Variants in KAZN observed in about 807,000 individuals in gnomAD.
The protein encoded by KAZN is kazrin.
KAZN carries 40 observed loss-of-function variants against 87.4 expected under a neutral mutation model. The observed-to-expected ratio is 0.46, with a 90% CI of 0.36 to 0.60. The LOEUF is 0.60. Ranked by LOEUF, KAZN falls within the 20% of genes least tolerant of loss-of-function variation. KAZN has a pLI of 0.00. For missense variants in KAZN, 898 were observed against 1,073.9 expected (o/e 0.84, Z 2.29); for synonymous variants, 466 against 458.3 (o/e 1.02, Z -0.22).
chr1:14,730,263 T>C (rs760991110), intron 1 of KAZN, among the ~76,000 whole-genome samples: 15 of 152,162 alleles, frequency 9.9e-5, no homozygotes, highest in Non-Finnish European at 1.5e-4. Context: ...TTTGTATGTT[T>C]AGTGGAGACA....
At chr1:14,193,031 G>A (rs764921564) in intron 2 of KAZN, among the ~76,000 whole-genome samples, 89 of 152,072 alleles carry the variant, frequency 5.9e-4, no homozygotes, top group Admixed American at 1.2e-3. Flanking sequence ...GGATCATGGG[G>A]GCAGTTCCCC....
At chr1:15,055,452 C>T (rs1002699857) in intron 4 of KAZN, among the ~76,000 whole-genome samples, 3 of 152,118 alleles carry the variant, frequency 2.0e-5, no homozygotes, top group Admixed American at 1.3e-4. Context: ...GTCTGGGCAA[C>T]AGAGTGAAAC....
rs141834501 is a variant in KAZN at position 14,996,763 on chromosome 1, C to T, written c.418+35888C>T. Among the ~76,000 whole-genome samples, 3 of 152,338 alleles carry T rather than the reference C, an allele frequency of 2.0e-5. No individual in the cohort carries two copies. Among genetic ancestry groups the T allele is most frequent in the Non-Finnish European group, 4.4e-5 (3 of 68,030 alleles). ...GAGAAAGGGCTGATGCTCCCAAAGG[C>T]AGGCCACTTGCAGGAAGACACACCA... is the stretch of plus-strand genomic sequence containing the variant. On this transcript the variant is annotated intron_variant, in intron 2 of 14. Transcript: ENST00000376030. This position sits in a 1 kb window ranked among gnomAD's most constrained non-coding sequence, Gnocchi z 5.9.
At chr1:14,737,661 G>A (rs1643948992) in intron 1 of KAZN, among the ~76,000 whole-genome samples, 1 of 152,230 alleles carries the variant, frequency 6.6e-6, no homozygotes, top group Admixed American at 6.5e-5. Flanking sequence ...ATCAGGTGCT[G>A]GCTGAGCTGC....
chr1:15,063,816 A>G lies in KAZN; in HGVS notation c.1098+194A>G, dbSNP rs879277212. 4.8e-5 allele frequency among the ~76,000 whole-genome samples: 6 copies of G among 126,128 alleles called. 1 individual carries two copies. Among genetic ancestry groups the G allele is most frequent in the African/African-American group, 3.0e-4 (6 of 20,292 alleles). 82.7% of individuals were successfully genotyped at this position (126,128 alleles called of 152,430 possible). ...TTTATGCCACTTCCGCTGAGCCCACATCCATGCCGCACACCCAAGGCGGAG... is the reference window on the plus strand; with the variant it reads ...TTTATGCCACTTCCGCTGAGCCCACGTCCATGCCGCACACCCAAGGCGGAG... On this transcript the variant is annotated intron_variant, in intron 7 of 14. Transcript: ENST00000376030.
At chr1:14,653,484 G>A (rs969455943) in intron 1 of KAZN, among the ~76,000 whole-genome samples, 1 of 152,202 alleles carries the variant, frequency 6.6e-6, no homozygotes, top group Non-Finnish European at 1.5e-5. Flanking sequence ...ATGTAGGCCC[G>A]GGGCGGCCAG....
intron 1 of KAZN, among the ~76,000 whole-genome samples, chr1:14,092,197 T>A (rs1020510055): frequency 2.0e-5 from 3 of 150,732 alleles, no homozygotes; most frequent in African/African-American, 7.3e-5. Flanking sequence ...TTCATGAAAT[T>A]CTCCTGCCTC....
intron 2 of KAZN, among the ~76,000 whole-genome samples, chr1:14,988,515 G>T (rs545192538): frequency 6.6e-6 from 1 of 152,212 alleles, no homozygotes; most frequent in Non-Finnish European, 1.5e-5. Context: ...GGGTGATGGC[G>T]TGCTGCCCTC....
rs1418202073 is a variant in KAZN, at chr1:14,219,925, CCATTGAT to C, written c.249+39337_249+39343del. On this transcript the variant is annotated intron_variant, in intron 2 of 16. Coordinates refer to the KAZN transcript ENST00000636203. Reference sequence around the variant, plus strand: ...ATGACTGAAACCCACTGTCTGAAGGCCATTGATCATCTCTTAGCAACATTTCTTCAGT... The same window carrying C: ...ATGACTGAAACCCACTGTCTGAAGGCCATCTCTTAGCAACATTTCTTCAGT... Among the ~76,000 whole-genome samples, 13 of 152,286 alleles carry C rather than the reference CCATTGAT, an allele frequency of 8.5e-5. 1 individual carries two copies. In the East Asian group the frequency reaches 2.5e-3, roughly 29 times the overall value.
At chr1:14,057,037 C>T (rs1642592848) in intron 1 of KAZN, among the ~76,000 whole-genome samples, 1 of 132,120 alleles carries the variant, frequency 7.6e-6, no homozygotes, top group South Asian at 2.3e-4. Context: ...GAGCGAGACC[C>T]TGTCTCAAAA....
At chr1:14,501,461 T>A (rs1670247868) in intron 2 of KAZN, among the ~76,000 whole-genome samples, 1 of 152,198 alleles carries the variant, frequency 6.6e-6, no homozygotes, top group South Asian at 2.1e-4. Context: ...AGATATAAGA[T>A]GTAAGATACA....
rs867638067 is a variant in KAZN at position 14,211,470 on chromosome 1, C to T, written c.249+30878C>T. 1.5e-4 allele frequency among the ~76,000 whole-genome samples: 23 copies of T among 152,108 alleles called. 1 individual carries two copies. The highest frequency in any genetic ancestry group is 3.9e-4 in the Admixed American group (6 of 15,280). ...CGATCTTGTGACCTCGTGATCTGCC[C>T]GCCTCGGCCTCCCAAAGTGCTGGGG... is the stretch of plus-strand genomic sequence containing the variant. On this transcript the variant is annotated intron_variant, in intron 2 of 16. Coordinates refer to the KAZN transcript ENST00000636203.
intron 2 of KAZN, among the ~76,000 whole-genome samples, chr1:14,373,338 T>C (rs1266603640): frequency 6.6e-6 from 1 of 152,090 alleles, no homozygotes; most frequent in African/African-American, 2.4e-5. Flanking sequence ...TAAATTCCAG[T>C]CTAAGTCCAA....
At chr1:13,987,326 C>T (rs536718322) in intron 1 of KAZN, among the ~76,000 whole-genome samples, 2 of 152,090 alleles carry the variant, frequency 1.3e-5, no homozygotes, top group Admixed American at 1.3e-4. Flanking sequence ...CTCTTGCCCC[C>T]CTACCCCTCA....
chr1:14,114,946 G>A (rs1458367037), intron 1 of KAZN, among the ~76,000 whole-genome samples: 1 of 152,210 alleles, frequency 6.6e-6, no homozygotes, highest in East Asian at 1.9e-4. Flanking sequence ...GTTTGGAGGT[G>A]CTCAGTCTCT....
rs151044500 is a variant in KAZN, at chr1:15,031,507, G to A, written c.419-3242G>A. Among the ~76,000 whole-genome samples, 6 of 152,028 alleles carry A rather than the reference G, an allele frequency of 3.9e-5. No homozygotes were observed. In the East Asian group the frequency reaches 1.2e-3, roughly 29 times the overall value. ...GGAGCCAGCGCTGTGGGGAAGGAGA[G>A]TCTGGAGGGGACAGAAGTCATGCTG... On this transcript the variant is annotated intron_variant, in intron 2 of 14. Transcript: ENST00000376030.
chr1:14,289,626 CTT>C (rs1226602623), intron 2 of KAZN, among the ~76,000 whole-genome samples: 2 of 152,068 alleles, frequency 1.3e-5, no homozygotes, highest in African/African-American at 4.8e-5. Flanking sequence ...GGTCTTGACT[CTT>C]TATCCAACTT....
chr1:14,054,249 T>C (rs1405110532), intron 1 of KAZN, among the ~76,000 whole-genome samples: 1 of 152,246 alleles, frequency 6.6e-6, no homozygotes, highest in Non-Finnish European at 1.5e-5. Flanking sequence ...GCTGGGCTCA[T>C]TATTACATAC....
intron 1 of KAZN, among the ~76,000 whole-genome samples, chr1:14,076,653 C>G (rs193086548): frequency 7.2e-5 from 11 of 152,300 alleles, no homozygotes; most frequent in Admixed American, 7.2e-4. Context: ...GGCAAAACCA[C>G]CCCTGCTTGA....
Sources: gnomAD v4.1 joint callset for allele counts (sites outside exome capture counted in the v4.1 genomes callset) on GRCh38, gnomAD v4.1.1 for gene constraint, Gnocchi (gnomAD v3.1) non-coding constraint, MANE v1.5 for transcripts, NCBI Gene and HGNC (gene_info 2026-07-23, HGNC 2026-07-21) for gene names.